Variants in LRRC51 observed in about 807,000 individuals in gnomAD.
LRRC51 encodes the protein leucine-rich repeat-containing protein 51.
Under a neutral mutation model 17.8 loss-of-function variants are expected in LRRC51, and 8 were observed. The observed-to-expected ratio is 0.45, with a 90% CI of 0.26 to 0.81. The LOEUF (loss-of-function observed/expected upper bound fraction) is 0.81, where lower values mean the gene tolerates loss of function less well. Ranked by LOEUF, LRRC51 falls within the 30% of genes least tolerant of loss-of-function variation. The pLI is 0.17. For synonymous variants in LRRC51, 92 were observed against 96.0 expected, an observed-to-expected ratio of 0.96 and a Z score of 0.24; for missense variants, 233 against 239.3, an observed-to-expected ratio of 0.97 and a Z score of 0.17.
Position 72,096,664 on chromosome 11 carries a change from C to T in LRRC51, c.*1144C>T, listed in dbSNP as rs1254883481. The T allele has an allele frequency of 1.3e-6, 2 of 1,544,664 alleles. No individual in the cohort carries two copies. Among genetic ancestry groups the T allele is most frequent in the Non-Finnish European group, 8.7e-7 (1 of 1,143,672 alleles). ...ATCTAACTCTCTGGGCCCCTTTGTACTTTTCAGCTTAGAGATTTGGGGGTT... is the reference window on the plus strand; with the variant it reads ...ATCTAACTCTCTGGGCCCCTTTGTATTTTTCAGCTTAGAGATTTGGGGGTT... On this transcript the variant is annotated 3_prime_UTR_variant, in exon 6 of 6. Coordinates refer to ENST00000289488, the MANE Select transcript of LRRC51 (RefSeq NM_145309.6).
chr11:72,088,991 G>T (rs563561054), intron 2 of LRRC51, 38 bp from the exon 3 acceptor site: 1 of 1,606,540 alleles, frequency 6.2e-7, no homozygotes, highest in Non-Finnish European at 8.5e-7. Flanking sequence ...CCTGAAAGCC[G>T]GTGTACTTGA....
chr11:72,096,465 T>C lies in LRRC51; in HGVS notation c.*945T>C, dbSNP rs1945216115. 9.5e-7 allele frequency: 1 copy of C among 1,049,296 alleles called. No individual in the cohort carries two copies. 65.0% of individuals were successfully genotyped at this position (1,049,296 alleles called of 1,614,324 possible). A position where few individuals can be genotyped will look rare whatever the true frequency, so the allele number is the denominator to read the frequency against. On this transcript the variant is annotated 3_prime_UTR_variant, in exon 6 of 6. Coordinates refer to ENST00000289488, the MANE Select transcript of LRRC51 (RefSeq NM_145309.6). ...GTTGGCCAGGCTGGTCTCAAACTCCTGACCTCAGGTGATCTGCCCACCTCA... is the reference window on the plus strand; with the variant it reads ...GTTGGCCAGGCTGGTCTCAAACTCCCGACCTCAGGTGATCTGCCCACCTCA...
chr11:72,086,591 T>C (rs61889198), intron 1 of LRRC51: 38,078 of 629,022 alleles, frequency 0.061, 1,502 homozygotes, highest in Non-Finnish European at 0.081. Context: ...ATGAATAAGA[T>C]GCGATACTAG....
At chr11:72,085,319 T>C (rs1311679922) in intron 1 of LRRC51, 1 of 152,226 alleles carries the variant, frequency 6.6e-6, no homozygotes, top group Admixed American at 6.5e-5. Flanking sequence ...ATTAATTCCT[T>C]CATTTCTTCT....
At chr11:72,094,769 C>T (rs1489194781) in intron 4 of LRRC51, 179 bp from the exon 5 acceptor site, 1 of 1,187,240 alleles carries the variant, frequency 8.4e-7, no homozygotes, top group South Asian at 1.3e-5. Context: ...AGTGTGATGC[C>T]CTGTATGTCT....
At chr11:72,094,144 G>T (rs1425152160) in intron 4 of LRRC51, among the ~76,000 whole-genome samples, 1 of 152,078 alleles carries the variant, frequency 6.6e-6, no homozygotes, top group Admixed American at 6.6e-5. Flanking sequence ...AAATTAGCTG[G>T]GCGTGGTGGC....
At chr11:72,087,287 C>CTTT (rs58257513) in intron 1 of LRRC51, among the ~76,000 whole-genome samples, 1 of 107,326 alleles carries the variant, frequency 9.3e-6, no homozygotes. Flanking sequence ...AACAGAAATT[C>CTTT]TTTTTTTTTT....
At chr11:72,089,952 G>C (rs1282687895) in intron 3 of LRRC51, among the ~76,000 whole-genome samples, 1 of 152,330 alleles carries the variant, frequency 6.6e-6, no homozygotes, top group Non-Finnish European at 1.5e-5. Context: ...TTTCATTAAA[G>C]CATCAGTCCA....
At chr11:72,090,941 G>A (rs912257966) in intron 3 of LRRC51, among the ~76,000 whole-genome samples, 4 of 152,188 alleles carry the variant, frequency 2.6e-5, no homozygotes, top group Non-Finnish European at 4.4e-5. Flanking sequence ...AGATCTTCCT[G>A]GAGCTAAATG....
chr11:72,088,574 C>A, intron 2 of LRRC51, 194 bp downstream of exon 2: 1 of 605,006 alleles, frequency 1.7e-6, no homozygotes, highest in South Asian at 2.0e-5. Context: ...AGATGCGGTG[C>A]AGGCCCTCAA....
chr11:72,082,671 AT>A (rs1187409075), intron 1 of LRRC51, among the ~76,000 whole-genome samples: 12 of 152,072 alleles, frequency 7.9e-5, no homozygotes, highest in African/African-American at 2.9e-4. Context: ...TACCTCTTCC[AT>A]TTACTTAATA....
At chr11:72,090,148 T>A (rs1335277631) in intron 3 of LRRC51, among the ~76,000 whole-genome samples, 1 of 152,236 alleles carries the variant, frequency 6.6e-6, no homozygotes, top group Non-Finnish European at 1.5e-5. Context: ...ACGTTTGTTC[T>A]CTCACGAGCA....
intron 4 of LRRC51, chr11:72,094,437 C>A (rs528371038): frequency 3.8e-6 from 2 of 529,098 alleles, no homozygotes; most frequent in East Asian, 6.6e-5. Context: ...ACAGCACTTA[C>A]TTTCTGTGAA....
Position 72,094,931 on chromosome 11 carries a change from G to T in LRRC51, c.289-17G>T, listed in dbSNP as rs768778599. 1.2e-6 allele frequency: 2 copies of T among 1,613,972 alleles called. No individual in the cohort carries two copies. The highest frequency in any genetic ancestry group is 1.7e-6 in the Non-Finnish European group (2 of 1,180,026). On this transcript the variant is annotated splice_polypyrimidine_tract_variant and intron_variant, in intron 4 of 5. Transcript: ENST00000289488. Reference sequence around the variant, plus strand: ...CCTGTCCTGTCTAGCCTGGCTTTTGGTTTCCCTCCCCAACAGGTCCTAACA... The same window carrying T: ...CCTGTCCTGTCTAGCCTGGCTTTTGTTTTCCCTCCCCAACAGGTCCTAACA...
chr11:72,093,511 A>T lies in LRRC51; in HGVS notation c.98A>T (p.Glu33Val). The stretch of plus-strand genomic sequence containing the variant: ...GTCCCCACAGATCTGGTAAATGAGG[A>T]GCCAAGGACAGGACTACGACCACTG... ...IHVIQDLVNE[E>V]PRTGLRPLKR... The change falls in exon 4 of 6, where the codon GAG becomes GTG. Residue 33 changes from glutamate to valine, a missense_variant. By Grantham distance (121) the Glu-to-Val change is moderately radical. Coordinates refer to ENST00000289488, the MANE Select transcript of LRRC51 (RefSeq NM_145309.6). 6.2e-7 allele frequency: 1 copy of T among 1,613,398 alleles called. No homozygotes were observed. Among genetic ancestry groups the T allele is most frequent in the Non-Finnish European group, 8.5e-7 (1 of 1,179,714 alleles).
At chr11:72,083,908 G>C (rs579320) in intron 1 of LRRC51, 1 of 152,140 alleles carries the variant, frequency 6.6e-6, no homozygotes, top group African/African-American at 2.4e-5. Flanking sequence ...TGGTAGTAGA[G>C]GGGGGTGGAC....
chr11:72,090,181 TA>T (rs769956514), intron 3 of LRRC51, among the ~76,000 whole-genome samples: 1 of 152,234 alleles, frequency 6.6e-6, no homozygotes, highest in Non-Finnish European at 1.5e-5. Flanking sequence ...CTGTGATCTT[TA>T]TTGTGCACTG....
intron 5 of LRRC51, 25 bp from the exon 6 acceptor site, chr11:72,095,354 C>T: frequency 6.2e-7 from 1 of 1,613,250 alleles, no homozygotes; most frequent in Middle Eastern, 1.8e-4. Context: ...GGGGTGCTGG[C>T]CCCCAGCCTA....
chr11:72,089,201 G>A, intron 3 of LRRC51, 36 bp downstream of exon 3: 1 of 1,614,014 alleles, frequency 6.2e-7, no homozygotes, highest in South Asian at 1.1e-5. Context: ...ACTCACTAAG[G>A]CAGCAGGCCC....
Sources: allele counts gnomAD v4.1 joint callset (sites outside exome capture counted in the v4.1 genomes callset), GRCh38; gene constraint gnomAD v4.1.1; transcripts MANE v1.5; gene names NCBI Gene and HGNC (gene_info 2026-07-23, HGNC 2026-07-21).